Variants in PCSK5 observed in about 807,000 individuals in gnomAD.
PCSK5 encodes the protein prohormone convertase 5.
Under a neutral mutation model 233.2 loss-of-function variants are expected in PCSK5, and 129 were observed. The ratio of observed to expected loss-of-function variants is 0.55; its 90% CI spans 0.48 to 0.64. The LOEUF is 0.64. Among genes scored for constraint, PCSK5 ranks in the 30% least tolerant of loss-of-function variants. PCSK5 has a pLI of 0.00. For missense variants in PCSK5, 2,076 were observed against 2,430.1 expected, an observed-to-expected ratio of 0.85 and a Z score of 3.06; for synonymous variants, 825 against 879.2, an observed-to-expected ratio of 0.94 and a Z score of 1.09.
chr9:75,901,266 A>G (rs149778837), intron 1 of PCSK5, among the ~76,000 whole-genome samples: 1 of 152,346 alleles, frequency 6.6e-6, no homozygotes, highest in African/African-American at 2.4e-5. Context: ...TGTGGCACAT[A>G]TACACCATGG....
chr9:76,320,960 G>A (rs540807181), intron 30 of PCSK5, among the ~76,000 whole-genome samples: 32 of 151,860 alleles, frequency 2.1e-4, no homozygotes, highest in Admixed American at 9.2e-4. Flanking sequence ...GACTATAGGC[G>A]TGCACCACCA....
intron 10 of PCSK5, among the ~76,000 whole-genome samples, chr9:76,150,960 C>T (rs933357867): frequency 6.6e-6 from 1 of 151,258 alleles, no homozygotes; most frequent in Non-Finnish European, 1.5e-5. Flanking sequence ...TTCTTTCTTC[C>T]GTAGGAAGTT....
intron 3 of PCSK5, among the ~76,000 whole-genome samples, chr9:76,019,924 A>G (rs1047568776): frequency 1.3e-5 from 2 of 152,244 alleles, no homozygotes; most frequent in Admixed American, 6.5e-5. Flanking sequence ...ATAGACCATC[A>G]CTGAAGTACA....
chr9:75,961,607 T>C (rs1270498050), intron 2 of PCSK5, among the ~76,000 whole-genome samples: 1 of 152,210 alleles, frequency 6.6e-6, no homozygotes, highest in Non-Finnish European at 1.5e-5. Flanking sequence ...ATGATTTGGG[T>C]ATATGAACCT....
chr9:76,187,929 C>CAGTT (rs1233441265), intron 17 of PCSK5, among the ~76,000 whole-genome samples: 1 of 152,032 alleles, frequency 6.6e-6, no homozygotes, highest in African/African-American at 2.4e-5. Context: ...AATAGCAGTA[C>CAGTT]AGTTAGTTTT....
At chr9:75,979,461 G>C (rs181998063) in intron 2 of PCSK5, among the ~76,000 whole-genome samples, 34 of 152,268 alleles carry the variant, frequency 2.2e-4, no homozygotes, top group Admixed American at 1.9e-3. Context: ...CCCCCTTCTA[G>C]ATTATATTCC....
rs377142526 is a variant in PCSK5 at position 76,095,837 on chromosome 9, C to G, written c.895-53C>G. 2,496 of 1,540,508 alleles carry G rather than the reference C, an allele frequency of 1.6e-3. 16 individuals carry two copies. The highest frequency in any genetic ancestry group is 7.4e-3 in the South Asian group (663 of 89,608). On this transcript the variant is annotated intron_variant, in intron 7 of 37. Coordinates refer to ENST00000674117, the MANE Select transcript of PCSK5 (RefSeq NM_001372043.1). The stretch of plus-strand genomic sequence containing the variant: ...AGTTTGGCTCAGTGGATTCTGACCT[C>G]TTCATTTAGAGTCATTTCACACCAT...
intron 1 of PCSK5, among the ~76,000 whole-genome samples, chr9:75,916,947 G>A (rs1204049982): frequency 6.6e-6 from 1 of 152,070 alleles, no homozygotes; most frequent in East Asian, 1.9e-4. Flanking sequence ...AAGGCGGGTA[G>A]ATCACAAGGT....
chr9:76,281,264 C>T lies in PCSK5; in HGVS notation c.3143-10969C>T, dbSNP rs139073524. The stretch of plus-strand genomic sequence containing the variant: ...TTCATAGCTAGAGAGGAGAAGTCAA[C>T]GCCTGGCTTCAAAGTCTCAAAGGAC... On this transcript the variant is annotated intron_variant, in intron 24 of 37. Transcript: ENST00000674117. Among the ~76,000 whole-genome samples the T allele has an allele frequency of 5.5e-4, 84 of 152,322 alleles. 1 individual carries two copies. Among genetic ancestry groups the T allele is most frequent in the Middle Eastern group, 3.4e-3 (1 of 294 alleles).
chr9:76,261,521 A>T (rs746732573), intron 24 of PCSK5, among the ~76,000 whole-genome samples: 2 of 152,212 alleles, frequency 1.3e-5, no homozygotes, highest in Non-Finnish European at 2.9e-5. Flanking sequence ...TCCCATTCAC[A>T]ATAACCCCCT....
intron 3 of PCSK5, among the ~76,000 whole-genome samples, chr9:76,022,027 G>A (rs946623254): frequency 2.0e-5 from 3 of 152,132 alleles, no homozygotes; most frequent in African/African-American, 7.2e-5. Flanking sequence ...CTTGTCCCTA[G>A]GCTCTTGGGC....
intron 5 of PCSK5, among the ~76,000 whole-genome samples, chr9:76,029,749 A>G (rs1215315530): frequency 6.6e-6 from 1 of 152,180 alleles, no homozygotes; most frequent in Non-Finnish European, 1.5e-5. Context: ...AGAAAGTGAC[A>G]GTCTTCACTT....
Position 76,279,741 on chromosome 9 carries a change from C to T in PCSK5, c.3143-12492C>T, listed in dbSNP as rs542481268. ...GAGAAGTGTCTGTTCATGTCCTTCGCCCACTTTTTGATGGGGTTGTTTGTT... is the reference window on the plus strand; with the variant it reads ...GAGAAGTGTCTGTTCATGTCCTTCGTCCACTTTTTGATGGGGTTGTTTGTT... On this transcript the variant is annotated intron_variant, in intron 24 of 37. Transcript: ENST00000674117. 2.7e-3 allele frequency among the ~76,000 whole-genome samples: 409 copies of T among 151,972 alleles called. 3 individuals are homozygous for T. Among genetic ancestry groups the T allele is most frequent in the African/African-American group, 9.0e-3 (372 of 41,376 alleles).
chr9:76,079,322 G>A (rs1206882925), intron 7 of PCSK5, among the ~76,000 whole-genome samples: 1 of 151,476 alleles, frequency 6.6e-6, no homozygotes, highest in Non-Finnish European at 1.5e-5. Context: ...ACAAAAATTA[G>A]CTGGGCATGT....
chr9:75,959,219 C>G (rs1374308366), intron 2 of PCSK5, among the ~76,000 whole-genome samples: 2 of 152,086 alleles, frequency 1.3e-5, no homozygotes, highest in Admixed American at 1.3e-4. Flanking sequence ...TGCCAGTGGA[C>G]AAAAACATTG....
intron 14 of PCSK5, among the ~76,000 whole-genome samples, chr9:76,176,021 CAA>C (rs5898456): frequency 6.8e-5 from 10 of 147,736 alleles, no homozygotes; most frequent in African/African-American, 2.0e-4. Flanking sequence ...GTTGTTTTGA[CAA>C]AAAAAAAAAC....
At chr9:76,308,936 G>A (rs1392928016) in intron 29 of PCSK5, among the ~76,000 whole-genome samples, 1 of 152,154 alleles carries the variant, frequency 6.6e-6, no homozygotes. Flanking sequence ...ACAAAGAAGT[G>A]GTCAGGTACA....
chr9:76,278,393 G>A (rs746288722), intron 24 of PCSK5, among the ~76,000 whole-genome samples: 116 of 152,248 alleles, frequency 7.6e-4, no homozygotes, highest in Non-Finnish European at 1.4e-3. Context: ...TGAGAAAATA[G>A]GAGTGGGCAG....
chr9:76,225,572 A>G (rs1325314092), intron 20 of PCSK5, among the ~76,000 whole-genome samples: 1 of 152,166 alleles, frequency 6.6e-6, no homozygotes, highest in African/African-American at 2.4e-5. Context: ...TGGACTGATA[A>G]TCACCCTGCT....
Sources: gnomAD v4.1 joint callset for allele counts (sites outside exome capture counted in the v4.1 genomes callset) on GRCh38, gnomAD v4.1.1 for gene constraint, MANE v1.5 for transcripts, NCBI Gene and HGNC (gene_info 2026-07-23, HGNC 2026-07-21) for gene names.